DLC1: variants seen among roughly 807,000 people sequenced by gnomAD.
DLC1 encodes DLC1 Rho GTPase activating protein, also known as rho GTPase-activating protein 7.
DLC1 carries 54 observed loss-of-function variants against 140.3 expected under a neutral mutation model. The observed-to-expected ratio is 0.38, with a 90% CI of 0.31 to 0.48. The LOEUF is 0.48. Ranked by LOEUF, DLC1 falls within the 20% of genes least tolerant of loss-of-function variation. The probability of loss-of-function intolerance (pLI) is 0.96; values close to 1 mark genes in which losing one functional copy is unlikely to be tolerated. For synonymous variants in DLC1, 986 were observed against 728.1 expected, an observed-to-expected ratio of 1.35 and a Z score of -5.70; for missense variants, 2,536 against 1,907.0, an observed-to-expected ratio of 1.33 and a Z score of -6.14.
intron 5 of DLC1, among the ~76,000 whole-genome samples, chr8:13,240,963 G>A (rs1248007433): frequency 6.6e-6 from 1 of 152,162 alleles, no homozygotes; most frequent in East Asian, 1.9e-4. Flanking sequence ...AGGCTAAGAA[G>A]GAGAGAGCAA....
At chr8:13,391,870 A>G (rs1836776563) in intron 4 of DLC1, among the ~76,000 whole-genome samples, 1 of 147,252 alleles carries the variant, frequency 6.8e-6, no homozygotes, top group Non-Finnish European at 1.5e-5. Flanking sequence ...ATACCTTTAA[A>G]AAGTGAGCCC....
At chr8:13,580,752 A>G (rs188091319) in intron 1 of DLC1, among the ~76,000 whole-genome samples, 20 of 152,316 alleles carry the variant, frequency 1.3e-4, no homozygotes, top group Non-Finnish European at 2.6e-4. Flanking sequence ...AGTATTAACT[A>G]TTTTAACTGG....
intron 5 of DLC1, among the ~76,000 whole-genome samples, chr8:13,293,546 A>G (rs1310105547): frequency 6.6e-6 from 1 of 152,202 alleles, no homozygotes; most frequent in Non-Finnish European, 1.5e-5. Context: ...TTGATTCAAA[A>G]CTATTTCTTG....
At chr8:13,299,708 A>G (rs1832107384) in intron 5 of DLC1, among the ~76,000 whole-genome samples, 2 of 152,188 alleles carry the variant, frequency 1.3e-5, no homozygotes, top group African/African-American at 4.8e-5. Context: ...CGGGAAACAA[A>G]TGCACGTTAG....
intron 5 of DLC1, among the ~76,000 whole-genome samples, chr8:13,295,606 T>A (rs1031247326): frequency 6.6e-6 from 1 of 152,212 alleles, no homozygotes; most frequent in Non-Finnish European, 1.5e-5. Flanking sequence ...TAGAAATGTC[T>A]ATGGAATCCA....
At chr8:13,346,965 G>A (rs1285717909) in intron 4 of DLC1, among the ~76,000 whole-genome samples, 1 of 152,222 alleles carries the variant, frequency 6.6e-6, no homozygotes, top group African/African-American at 2.4e-5. Flanking sequence ...CTGAGAGAGA[G>A]TCCACATTCC....
intron 5 of DLC1, among the ~76,000 whole-genome samples, chr8:13,289,006 G>A (rs773191383): frequency 3.3e-5 from 5 of 152,160 alleles, no homozygotes; most frequent in East Asian, 1.9e-4. Flanking sequence ...TTACAAAATC[G>A]CATATTAGGT....
intron 1 of DLC1, among the ~76,000 whole-genome samples, chr8:13,533,624 G>A (rs1057133827): frequency 6.6e-6 from 1 of 152,182 alleles, no homozygotes; most frequent in African/African-American, 2.4e-5. Flanking sequence ...TGAGGACCAA[G>A]AATCAAAGTC....
chr8:13,186,927 T>A (rs962259448), intron 5 of DLC1, among the ~76,000 whole-genome samples: 1 of 152,218 alleles, frequency 6.6e-6, no homozygotes, highest in African/African-American at 2.4e-5. Flanking sequence ...GCAGGTCTGT[T>A]GGAGTTTGCT....
intron 1 of DLC1, among the ~76,000 whole-genome samples, chr8:13,602,537 C>G (rs1805922872): frequency 6.6e-6 from 1 of 151,588 alleles, no homozygotes; most frequent in African/African-American, 2.4e-5. Context: ...GGGTTTACAT[C>G]AAAATACATG....
At chr8:13,188,936 G>A (rs1430868453) in intron 5 of DLC1, among the ~76,000 whole-genome samples, 13 of 142,500 alleles carry the variant, frequency 9.1e-5, no homozygotes, top group East Asian at 2.0e-4. Flanking sequence ...TTATCCGCCC[G>A]CCTCGGCCTC....
At chr8:13,216,755 T>C (rs1828218035) in intron 5 of DLC1, among the ~76,000 whole-genome samples, 1 of 152,118 alleles carries the variant, frequency 6.6e-6, no homozygotes, top group South Asian at 2.1e-4. Flanking sequence ...ATAGGACATT[T>C]AGTGGCATCC....
At chr8:13,360,125 G>C (rs1417929541) in intron 4 of DLC1, among the ~76,000 whole-genome samples, 1 of 152,174 alleles carries the variant, frequency 6.6e-6, no homozygotes, top group African/African-American at 2.4e-5. Context: ...GTTTCCTTGA[G>C]ACATTAATTT....
At chr8:13,325,074 C>T (rs1482326718) in intron 4 of DLC1, among the ~76,000 whole-genome samples, 2 of 152,182 alleles carry the variant, frequency 1.3e-5, no homozygotes, top group Admixed American at 6.5e-5. Context: ...AACAAAGGTA[C>T]TGGAGGTAAA....
At chr8:13,301,635 A>G (rs1832194666) in intron 5 of DLC1, among the ~76,000 whole-genome samples, 1 of 152,138 alleles carries the variant, frequency 6.6e-6, no homozygotes, top group African/African-American at 2.4e-5. Context: ...TTCCAATGGG[A>G]CGGGTTCACT....
At chr8:13,213,075 C>G (rs1828021507) in intron 5 of DLC1, among the ~76,000 whole-genome samples, 1 of 152,172 alleles carries the variant, frequency 6.6e-6, no homozygotes, top group Non-Finnish European at 1.5e-5. Context: ...ATGGACTGCT[C>G]TTCATTTTAG....
intron 4 of DLC1, among the ~76,000 whole-genome samples, chr8:13,349,641 C>T (rs915245716): frequency 1.3e-5 from 2 of 152,124 alleles, no homozygotes; most frequent in Admixed American, 6.5e-5. Context: ...AAACATATAG[C>T]CAGAGCTCAC....
chr8:13,253,126 C>G (rs1348622914), intron 5 of DLC1, among the ~76,000 whole-genome samples: 1 of 152,128 alleles, frequency 6.6e-6, no homozygotes, highest in Admixed American at 6.5e-5. Context: ...GGTGTAAGAA[C>G]TAAAGTTGAG....
chr8:13,510,342 G>T (rs1334363403), intron 1 of DLC1, among the ~76,000 whole-genome samples: 1 of 151,782 alleles, frequency 6.6e-6, no homozygotes, highest in African/African-American at 2.4e-5. Context: ...CCTGGCTAAA[G>T]TTTTTTGTAT....
Sources: gnomAD v4.1 joint callset for allele counts (sites outside exome capture counted in the v4.1 genomes callset) on GRCh38, gnomAD v4.1.1 for gene constraint, MANE v1.5 for transcripts, NCBI Gene and HGNC (gene_info 2026-07-23, HGNC 2026-07-21) for gene names.